The following SIK2 variants were observed in gnomAD, a reference collection of about 807,000 sequenced individuals.
The protein encoded by SIK2 is salt inducible kinase 2.
In SIK2, 29 loss-of-function variants were observed where a neutral mutation model predicts 103.2. The observed-to-expected ratio is 0.28, with a 90% CI of 0.21 to 0.38. The LOEUF (loss-of-function observed/expected upper bound fraction) is 0.38, where lower values mean the gene tolerates loss of function less well. Among genes scored for constraint, SIK2 ranks in the 10% least tolerant of loss-of-function variants. The pLI is 1.00. For missense variants in SIK2, 879 were observed against 1,171.0 expected (o/e 0.75, Z 3.64); for synonymous variants, 412 against 446.1 (o/e 0.92, Z 0.96).
At chr11:111,659,362 A>ACGCAACCC (rs1158438225) in intron 3 of SIK2, among the ~76,000 whole-genome samples, 1 of 152,142 alleles carries the variant, frequency 6.6e-6, no homozygotes, top group African/African-American at 2.4e-5. Flanking sequence ...GAGAACACAC[A>ACGCAACCC]CGCAACCCAA....
intron 4 of SIK2, among the ~76,000 whole-genome samples, chr11:111,700,040 G>T (rs989663352): frequency 1.3e-5 from 2 of 152,168 alleles, no homozygotes. Flanking sequence ...AAGATAATAG[G>T]TATTTGTTTC....
chr11:111,723,985 G>T lies in SIK2; in HGVS notation c.2637G>T (p.Gly879=). 1 of 1,614,166 alleles carries T rather than the reference G, an allele frequency of 6.2e-7. No homozygotes were observed. Among genetic ancestry groups the T allele is most frequent in the Non-Finnish European group, 8.5e-7 (1 of 1,180,030 alleles). ...VDGAQQSDLT[G]PDCPRSPGLQ... Reference sequence around the variant, plus strand: ...GAGCCCAGCAGAGCGACCTAACGGGGCCAGACTGTCCCAGAAGCCCAGGAC... The same window carrying T: ...GAGCCCAGCAGAGCGACCTAACGGGTCCAGACTGTCCCAGAAGCCCAGGAC... The change falls in exon 15 of 15, where the codon GGG becomes GGT. Residue 879 remains glycine (G), a synonymous_variant. Transcript: ENST00000304987.
intron 3 of SIK2, among the ~76,000 whole-genome samples, chr11:111,654,081 A>G (rs1387548740): frequency 1.3e-5 from 2 of 152,238 alleles, no homozygotes; most frequent in African/African-American, 4.8e-5. Flanking sequence ...TGATTGTAAT[A>G]AAGTATATGT....
At chr11:111,665,773 G>A (rs1273558748) in intron 3 of SIK2, among the ~76,000 whole-genome samples, 1 of 151,114 alleles carries the variant, frequency 6.6e-6, no homozygotes, top group Non-Finnish European at 1.5e-5. Context: ...TTGTGGTGAG[G>A]TGAGATTGTG....
In SIK2 at chr11:111,723,878, T is replaced by C. The variant is rs1406103490; in HGVS notation, c.2530T>C (p.Phe844Leu). The C allele has an allele frequency of 1.9e-6, 3 of 1,612,306 alleles. No individual in the cohort carries two copies. In the African/African-American group the frequency reaches 4.0e-5, roughly 22 times the overall value. Residue 844 changes from phenylalanine (F) to leucine (L), a missense_variant, in exon 15 of 15, where the codon TTC becomes CTC. By Grantham distance (22) the Phe-to-Leu change is conservative. Transcript: ENST00000304987. ...QPGAAPAPLQFSYQTCELPSA... is the reference protein window; with the variant it reads ...QPGAAPAPLQLSYQTCELPSA... ...AGGAGCTGCCCCAGCCCCCTTACAG[T>C]TCTCCTATCAGACTTGTGAGCTGCC...
Position 111,727,138 on chromosome 11 carries a change from T to A in SIK2, c.*3009T>A. ...CCCGGTGACACTGACCGTCCCCAGC[T>A]GCCCCCTCGCCACCTCTGCCTGCAC... On this transcript the variant is annotated 3_prime_UTR_variant, in exon 15 of 15. Coordinates refer to ENST00000304987, the MANE Select transcript of SIK2 (RefSeq NM_015191.3). 2.4e-6 allele frequency: 3 copies of A among 1,248,528 alleles called. No homozygotes were observed. Among genetic ancestry groups the A allele is most frequent in the Non-Finnish European group, 3.5e-6 (3 of 857,726 alleles). The allele number at this position is 1,248,528 out of a possible 1,614,324, so 77.3% of individuals were successfully genotyped here.
chr11:111,717,577 C>T (rs1040272511), intron 9 of SIK2, among the ~76,000 whole-genome samples: 2 of 152,088 alleles, frequency 1.3e-5, no homozygotes, highest in African/African-American at 2.4e-5. Flanking sequence ...TTTGACCCAG[C>T]AATCCCATTA....
intron 11 of SIK2, 60 bp from the exon 12 acceptor site, chr11:111,720,839 G>A: frequency 6.3e-7 from 1 of 1,590,290 alleles, no homozygotes; most frequent in African/African-American, 1.3e-5. Flanking sequence ...GTGGTCACCT[G>A]TGGTCACTGA....
intron 3 of SIK2, chr11:111,671,468 T>C: frequency 3.9e-6 from 1 of 253,168 alleles, no homozygotes; most frequent in Non-Finnish European, 7.7e-6. Flanking sequence ...ATCTCTGAGA[T>C]CTCTGTCTTT....
chr11:111,675,069 A>C (rs993681749), intron 3 of SIK2, among the ~76,000 whole-genome samples: 6 of 152,228 alleles, frequency 3.9e-5, no homozygotes, highest in African/African-American at 1.4e-4. Context: ...ATAATGTTAC[A>C]TAACAAACAG....
intron 9 of SIK2, among the ~76,000 whole-genome samples, chr11:111,716,567 ACT>A (rs1342164170): frequency 6.6e-6 from 1 of 151,988 alleles, no homozygotes; most frequent in Non-Finnish European, 1.5e-5. Context: ...ACAGAGTGAG[ACT>A]CTGTCTCACC....
chr11:111,664,991 A>G (rs1190294526), intron 3 of SIK2, among the ~76,000 whole-genome samples: 1 of 152,142 alleles, frequency 6.6e-6, no homozygotes, highest in East Asian at 1.9e-4. Context: ...AAGCTAACCA[A>G]GTAAATCAAG....
Position 111,726,910 on chromosome 11 carries a change from A to G in SIK2, c.*2781A>G. On this transcript the variant is annotated 3_prime_UTR_variant, in exon 15 of 15. Coordinates refer to ENST00000304987, the MANE Select transcript of SIK2 (RefSeq NM_015191.3). Reference sequence around the variant, plus strand: ...TGAGGTAAAAATTTCGTTCGGCAAAAAGTGCAATATGTGTGGTACTTTATT... The same window carrying G: ...TGAGGTAAAAATTTCGTTCGGCAAAGAGTGCAATATGTGTGGTACTTTATT... 1.3e-6 allele frequency: 2 copies of G among 1,572,792 alleles called. No homozygotes were observed. The highest frequency in any genetic ancestry group is 1.7e-6 in the Non-Finnish European group (2 of 1,145,134).
At chr11:111,616,648 G>A (rs1031905503) in intron 2 of SIK2, among the ~76,000 whole-genome samples, 1 of 151,976 alleles carries the variant, frequency 6.6e-6, no homozygotes, top group Non-Finnish European at 1.5e-5. Flanking sequence ...TCCAGCCTGG[G>A]CAACATGGTG....
At chr11:111,611,833 A>G (rs1941730579) in intron 1 of SIK2, among the ~76,000 whole-genome samples, 1 of 152,338 alleles carries the variant, frequency 6.6e-6, no homozygotes, top group South Asian at 2.1e-4. Flanking sequence ...CTCTTATACT[A>G]TGTTGAGAAC....
intron 3 of SIK2, among the ~76,000 whole-genome samples, chr11:111,643,177 A>G (rs1438780084): frequency 6.6e-6 from 1 of 152,154 alleles, no homozygotes; most frequent in Non-Finnish European, 1.5e-5. Flanking sequence ...CATTTACTAT[A>G]TCCTCAACCC....
intron 9 of SIK2, 43 bp downstream of exon 9, chr11:111,712,418 G>A: frequency 1.3e-6 from 2 of 1,581,092 alleles, no homozygotes; most frequent in Non-Finnish European, 1.7e-6. Flanking sequence ...AGTTTGGCGA[G>A]AGATTTCAGT....
In SIK2 at chr11:111,726,989, C is replaced by T. The variant is rs1286815779; in HGVS notation, c.*2860C>T. 6.2e-7 allele frequency: 1 copy of T among 1,614,054 alleles called. No homozygotes were observed. ...ATTAGTCTGTGCTTTGGGAGAAATG[C>T]ACTAGCTCTGCAATTCCCAGCTGGG... On this transcript the variant is annotated 3_prime_UTR_variant, in exon 15 of 15. Coordinates refer to ENST00000304987, the MANE Select transcript of SIK2 (RefSeq NM_015191.3).
rs2135993174 is a variant in SIK2 at position 111,727,961 on chromosome 11, G to A, written c.*3832G>A. 6.6e-6 allele frequency: 1 copy of A among 152,324 alleles called. No homozygotes were observed. Among genetic ancestry groups the A allele is most frequent in the East Asian group, 1.9e-4 (1 of 5,184 alleles). 9.4% of individuals were successfully genotyped at this position (152,324 alleles called of 1,614,324 possible). Reference sequence around the variant, plus strand: ...TTACATTTTAAAACCTGTATCAACAGTCACATTTAAGCTCCCTATTGGTTT... The same window carrying A: ...TTACATTTTAAAACCTGTATCAACAATCACATTTAAGCTCCCTATTGGTTT... On this transcript the variant is annotated 3_prime_UTR_variant, in exon 15 of 15. Coordinates refer to ENST00000304987, the MANE Select transcript of SIK2 (RefSeq NM_015191.3).
Sources: gnomAD v4.1 joint callset for allele counts (sites outside exome capture counted in the v4.1 genomes callset) on GRCh38, gnomAD v4.1.1 for gene constraint, MANE v1.5 for transcripts, NCBI Gene and HGNC (gene_info 2026-07-23, HGNC 2026-07-21) for gene names.